Variants in PALLD observed in about 807,000 individuals in gnomAD.
PALLD encodes the protein palladin, cytoskeletal associated protein, also known as palladin.
A neutral mutation model predicts 123.5 loss-of-function variants in PALLD; 61 were observed. The observed-to-expected ratio is 0.49, with a 90% CI of 0.40 to 0.61. PALLD has a LOEUF of 0.61. Among genes scored for constraint, PALLD ranks in the 20% least tolerant of loss-of-function variants. The pLI, the probability that PALLD is intolerant of heterozygous loss-of-function variation, is 0.00. For synonymous variants in PALLD, 465 were observed against 496.4 expected, an observed-to-expected ratio of 0.94 and a Z score of 0.84; for missense variants, 1,273 against 1,377.0, an observed-to-expected ratio of 0.92 and a Z score of 1.20.
intron 10 of PALLD, among the ~76,000 whole-genome samples, chr4:168,758,433 G>A (rs553981080): frequency 8.5e-5 from 13 of 152,086 alleles, no homozygotes; most frequent in African/African-American, 1.4e-4. Flanking sequence ...GGCCCTCCAC[G>A]TCAGGCAGCC....
intron 4 of PALLD, 22 bp from the exon 5 acceptor site, chr4:168,682,976 C>A: frequency 7.5e-7 from 1 of 1,329,182 alleles, no homozygotes; most frequent in Non-Finnish European, 1.1e-6. Context: ...TCTGACTAAA[C>A]ACTCACCTTC....
intron 2 of PALLD, among the ~76,000 whole-genome samples, chr4:168,621,652 C>T (rs555455347): frequency 9.9e-5 from 15 of 151,972 alleles, no homozygotes; most frequent in Non-Finnish European, 2.1e-4. Flanking sequence ...TATGTAAGTC[C>T]CTCTCTCAAA....
At chr4:168,699,893 C>G (rs1234690007) in intron 8 of PALLD, 1 of 153,204 alleles carries the variant, frequency 6.5e-6, no homozygotes, top group Non-Finnish European at 1.5e-5. Flanking sequence ...TTATTAATAA[C>G]TTTAAATTTT....
In PALLD at chr4:168,511,716, C is replaced by A; in HGVS notation, c.212C>A (p.Ser71Tyr). 6.2e-7 allele frequency: 1 copy of A among 1,614,178 alleles called. No individual in the cohort carries two copies. Among genetic ancestry groups the A allele is most frequent in the Non-Finnish European group, 8.5e-7 (1 of 1,180,016 alleles). Residue 71 changes from serine to tyrosine, a missense_variant, in exon 2 of 22, where the codon TCT becomes TAT. Physicochemically the swap from Ser to Tyr is moderately radical, Grantham distance 144. Transcript: ENST00000505667. ...GAGATCTCGCAGATTTTCAGTACTT[C>A]TCCTGCAAGCCTCTGTGAACATCCT... is the stretch of plus-strand genomic sequence containing the variant. ...EKEISQIFST[S>Y]PASLCEHPSH...
At chr4:168,705,088 A>G (rs1784100754) in intron 8 of PALLD, among the ~76,000 whole-genome samples, 4 of 146,222 alleles carry the variant, frequency 2.7e-5, no homozygotes. Context: ...TTTTGCTTGC[A>G]GGTGACTTAA....
chr4:168,854,733 T>TA (rs761767608), intron 10 of PALLD, among the ~76,000 whole-genome samples: 28 of 152,342 alleles, frequency 1.8e-4, no homozygotes, highest in East Asian at 7.7e-4. Flanking sequence ...ATAAGAGTGC[T>TA]ATTAAAAAAG....
At chr4:168,685,387 C>G in intron 5 of PALLD, 98 bp from the exon 6 acceptor site, 1 of 811,084 alleles carries the variant, frequency 1.2e-6, no homozygotes, top group South Asian at 1.3e-5. Context: ...CACTCATTTC[C>G]TTCAAGTGGG....
chr4:168,772,819 T>C (rs963123912), intron 10 of PALLD, among the ~76,000 whole-genome samples: 2 of 150,712 alleles, frequency 1.3e-5, no homozygotes, highest in East Asian at 1.9e-4. Context: ...GTAAGTCCCA[T>C]GCCAAAAAAA....
At chr4:168,806,301 T>A (rs1462634442) in intron 10 of PALLD, among the ~76,000 whole-genome samples, 1 of 152,216 alleles carries the variant, frequency 6.6e-6, no homozygotes, top group East Asian at 1.9e-4. Context: ...TGACTTCAGA[T>A]GATCTGCCCA....
chr4:168,549,242 A>G (rs1264473090), intron 2 of PALLD, among the ~76,000 whole-genome samples: 1 of 145,764 alleles, frequency 6.9e-6, no homozygotes, highest in East Asian at 2.1e-4. Context: ...AAAATTGTCA[A>G]TTGATTGCAA....
intron 10 of PALLD, among the ~76,000 whole-genome samples, chr4:168,761,639 T>C (rs1428437818): frequency 1.8e-4 from 13 of 73,418 alleles, no homozygotes; most frequent in African/African-American, 7.2e-4. Context: ...TTTGTTGTTG[T>C]TGTTTGTTTT....
At chr4:168,733,911 A>G (rs569889629) in intron 10 of PALLD, among the ~76,000 whole-genome samples, 5 of 152,066 alleles carry the variant, frequency 3.3e-5, no homozygotes, top group Admixed American at 6.5e-5. Flanking sequence ...ATTTTTTTGT[A>G]TTTTTAGTAG....
chr4:168,641,966 A>C (rs946199493), intron 2 of PALLD, among the ~76,000 whole-genome samples: 98 of 152,308 alleles, frequency 6.4e-4, no homozygotes, highest in East Asian at 3.9e-3. Context: ...ATGAATGTTG[A>C]TTGGGCATGC....
chr4:168,662,060 T>C (rs6825332), intron 2 of PALLD, among the ~76,000 whole-genome samples: 85,086 of 151,998 alleles, frequency 0.56, 24,434 homozygotes, highest in African/African-American at 0.68. Flanking sequence ...TACATATTTT[T>C]ATGATTTTAT....
At chr4:168,506,631 G>A (rs949335717) in intron 1 of PALLD, among the ~76,000 whole-genome samples, 2 of 151,970 alleles carry the variant, frequency 1.3e-5, no homozygotes, top group South Asian at 2.1e-4. Context: ...ATGTTACAGC[G>A]CTCTATCCTA....
chr4:168,720,250 A>G (rs1009799458), intron 10 of PALLD, among the ~76,000 whole-genome samples: 1 of 152,220 alleles, frequency 6.6e-6, no homozygotes, highest in Non-Finnish European at 1.5e-5. Flanking sequence ...AGAATGGCCA[A>G]TCCCTAAATT....
chr4:168,591,940 G>C (rs530727769), intron 2 of PALLD, among the ~76,000 whole-genome samples: 2 of 151,048 alleles, frequency 1.3e-5, no homozygotes, highest in East Asian at 1.9e-4. Context: ...GGGTATTTGA[G>C]AAATAACTTC....
intron 2 of PALLD, among the ~76,000 whole-genome samples, chr4:168,543,126 G>C (rs566901422): frequency 2.0e-5 from 3 of 152,082 alleles, no homozygotes; most frequent in Non-Finnish European, 4.4e-5. Context: ...GAGCATGTCA[G>C]CTAGGACCAC....
chr4:168,740,737 A>G (rs1261033523), intron 10 of PALLD, among the ~76,000 whole-genome samples: 2 of 152,236 alleles, frequency 1.3e-5, no homozygotes, highest in Non-Finnish European at 2.9e-5. Context: ...AAACTCTGCA[A>G]GATTACCACA....
Sources: gnomAD v4.1 joint callset for allele counts (sites outside exome capture counted in the v4.1 genomes callset) on GRCh38, gnomAD v4.1.1 for gene constraint, MANE v1.5 for transcripts, NCBI Gene and HGNC (gene_info 2026-07-23, HGNC 2026-07-21) for gene names.